The following CALN1 variants were observed in gnomAD, a reference collection of about 807,000 sequenced individuals.
The protein encoded by CALN1 is calneuron 1.
CALN1 carries 17 observed loss-of-function variants against 30.6 expected under a neutral mutation model. The ratio of observed to expected loss-of-function variants is 0.56; its 90% CI spans 0.38 to 0.83. The LOEUF (loss-of-function observed/expected upper bound fraction) is 0.83. Among genes scored for constraint, CALN1 ranks in the 40% least tolerant of loss-of-function variants. CALN1 has a pLI of 0.00. For missense variants in CALN1, 291 were observed against 354.9 expected, an observed-to-expected ratio of 0.82 and a Z score of 1.45; for synonymous variants, 156 against 131.4, an observed-to-expected ratio of 1.19 and a Z score of -1.28.
Position 71,864,425 on chromosome 7 carries a change from A to G in CALN1, c.502-53933T>C, listed in dbSNP as rs138520108. 5.0e-3 allele frequency among the ~76,000 whole-genome samples: 763 copies of G among 152,286 alleles called. 5 individuals are homozygous for G. Among genetic ancestry groups the G allele is most frequent in the Non-Finnish European group, 8.1e-3 (551 of 68,018 alleles). On this transcript the variant is annotated intron_variant, in intron 5 of 6. Coordinates refer to ENST00000395275, the MANE Select transcript of CALN1 (RefSeq NM_031468.4). The stretch of plus-strand genomic sequence containing the variant: ...CAGCAAGGATTCATGGGCAGCCTGT[A>G]AGAGCTAAGAGTAGTTCCTGGCCCA...
intron 3 of CALN1, among the ~76,000 whole-genome samples, chr7:72,121,887 A>T (rs1311288427): frequency 6.8e-6 from 1 of 147,502 alleles, no homozygotes; most frequent in Non-Finnish European, 1.5e-5. Context: ...TATAAATTAT[A>T]TATAATATAT....
At chr7:72,168,103 G>C (rs1788655777) in intron 3 of CALN1, among the ~76,000 whole-genome samples, 1 of 152,160 alleles carries the variant, frequency 6.6e-6, no homozygotes, top group Non-Finnish European at 1.5e-5. Flanking sequence ...AACTGACTCA[G>C]GGATACAGTG....
chr7:71,843,607 A>G (rs888012644), intron 5 of CALN1, among the ~76,000 whole-genome samples: 2 of 152,178 alleles, frequency 1.3e-5, no homozygotes, highest in Admixed American at 6.6e-5. Flanking sequence ...TGGGTGACAG[A>G]GCAAGACACT....
chr7:71,937,672 G>A (rs772976693), intron 5 of CALN1, among the ~76,000 whole-genome samples: 3 of 151,894 alleles, frequency 2.0e-5, no homozygotes, highest in Non-Finnish European at 4.4e-5. Context: ...TAGAGATAGG[G>A]TCTCGCTGTG....
chr7:72,019,853 T>C (rs915554192), intron 5 of CALN1, among the ~76,000 whole-genome samples: 8 of 152,292 alleles, frequency 5.3e-5, no homozygotes, highest in African/African-American at 1.9e-4. Flanking sequence ...TTTGGTGTAA[T>C]GTATTATGCA....
intron 5 of CALN1, among the ~76,000 whole-genome samples, chr7:71,826,279 G>C (rs1788909597): frequency 6.6e-6 from 1 of 151,966 alleles, no homozygotes; most frequent in South Asian, 2.1e-4. Context: ...AGAATGCACT[G>C]GTGGCTTAGA....
chr7:71,894,411 C>G (rs1793424499), intron 5 of CALN1, among the ~76,000 whole-genome samples: 1 of 151,860 alleles, frequency 6.6e-6, no homozygotes, highest in Non-Finnish European at 1.5e-5. Context: ...ACTACAGGCA[C>G]ACGCTACTAT....
chr7:72,353,338 C>T (rs1803043829), intron 2 of CALN1, among the ~76,000 whole-genome samples: 1 of 152,020 alleles, frequency 6.6e-6, no homozygotes, highest in South Asian at 2.1e-4. Flanking sequence ...CATATATTAG[C>T]AAGCCAAATC....
intron 5 of CALN1, among the ~76,000 whole-genome samples, chr7:71,855,517 C>T (rs571554602): frequency 6.6e-6 from 1 of 152,240 alleles, no homozygotes; most frequent in East Asian, 1.9e-4. Flanking sequence ...GAGATTTGGG[C>T]ATGTGACCCA....
chr7:72,033,496 A>AT (rs5884872), intron 4 of CALN1, among the ~76,000 whole-genome samples: 23,261 of 152,196 alleles, frequency 0.15, 1,850 homozygotes, highest in Middle Eastern at 0.21. Flanking sequence ...ACCTAAAAGC[A>AT]TTGTGTTAAG....
intron 5 of CALN1, among the ~76,000 whole-genome samples, chr7:71,907,752 A>C (rs1027239451): frequency 1.3e-5 from 2 of 152,246 alleles, no homozygotes; most frequent in African/African-American, 4.8e-5. Context: ...AGATGTAGAT[A>C]TCCTTAGGAG....
chr7:71,824,385 T>A (rs1443953204), intron 5 of CALN1, among the ~76,000 whole-genome samples: 1 of 152,076 alleles, frequency 6.6e-6, no homozygotes, highest in African/African-American at 2.4e-5. Context: ...CCGTGTTGCA[T>A]GGAAAAAGCA....
At chr7:72,035,474 C>A (rs2129532886) in intron 4 of CALN1, among the ~76,000 whole-genome samples, 1 of 152,270 alleles carries the variant, frequency 6.6e-6, no homozygotes, top group East Asian at 1.9e-4. Context: ...GAGGAACTTA[C>A]TTCTGTCATT....
At chr7:72,316,228 G>A (rs750146122) in intron 2 of CALN1, among the ~76,000 whole-genome samples, 2 of 151,816 alleles carry the variant, frequency 1.3e-5, no homozygotes. Context: ...TAGTGAAATC[G>A]AAAACAACAC....
At chr7:72,018,804 C>T (rs1459437629) in intron 5 of CALN1, among the ~76,000 whole-genome samples, 1 of 151,970 alleles carries the variant, frequency 6.6e-6, no homozygotes, top group African/African-American at 2.4e-5. Flanking sequence ...GGCTAGAACA[C>T]CAGTAAGGAA....
At chr7:72,370,436 C>T (rs748628915) in intron 2 of CALN1, among the ~76,000 whole-genome samples, 1 of 151,742 alleles carries the variant, frequency 6.6e-6, no homozygotes, top group Non-Finnish European at 1.5e-5. Flanking sequence ...AGGCGGATCA[C>T]GAGGTCAGGA....
At chr7:71,847,308 A>T (rs1790321408) in intron 5 of CALN1, among the ~76,000 whole-genome samples, 1 of 152,060 alleles carries the variant, frequency 6.6e-6, no homozygotes, top group Non-Finnish European at 1.5e-5. Flanking sequence ...TGGTTTCCCC[A>T]CAATTCTTGT....
intron 3 of CALN1, among the ~76,000 whole-genome samples, chr7:72,262,127 C>A (rs1289689307): frequency 6.6e-6 from 1 of 152,176 alleles, no homozygotes; most frequent in African/African-American, 2.4e-5. Flanking sequence ...TCTGGTCAAC[C>A]GGCCTTGCTT....
intron 2 of CALN1, among the ~76,000 whole-genome samples, chr7:72,289,185 A>G (rs147837752): frequency 8.5e-5 from 13 of 152,300 alleles, no homozygotes; most frequent in African/African-American, 3.1e-4. Flanking sequence ...ATTCTGGACA[A>G]TTCTAAGTCA....
Sources: gnomAD v4.1 joint callset for allele counts (sites outside exome capture counted in the v4.1 genomes callset) on GRCh38, gnomAD v4.1.1 for gene constraint, MANE v1.5 for transcripts, NCBI Gene and HGNC (gene_info 2026-07-23, HGNC 2026-07-21) for gene names.